Variants in ARL3 observed in about 807,000 individuals in gnomAD.
The protein encoded by ARL3 is ARF like GTPase 3.
In ARL3, 9 loss-of-function variants were observed where a neutral mutation model predicts 26.0. The observed-to-expected ratio is 0.35, with a 90% CI of 0.21 to 0.60. The LOEUF is 0.60. ARL3 is among the 20% of genes least tolerant of loss of function. The pLI, the probability that ARL3 is intolerant of heterozygous loss-of-function variation, is 0.78. For synonymous variants in ARL3, 71 were observed against 78.4 expected (o/e 0.91, Z 0.50); for missense variants, 158 against 215.7 (o/e 0.73, Z 1.67).
Position 102,686,073 on chromosome 10 carries a change from T to A in ARL3, c.316-72A>T. 72 of 588,644 alleles carry A rather than the reference T, an allele frequency of 1.2e-4. No homozygotes were observed. The South Asian group carries it at 3.3e-3, about 27-fold the overall frequency. 36.5% of individuals were successfully genotyped at this position (588,644 alleles called of 1,614,324 possible). On this transcript the variant is annotated intron_variant, in intron 4 of 5. Transcript: ENST00000260746. ...CTATGATATTTAACCATACACTACTTTTTTTTTTTTTTTTTTGAGACAGAG... is the reference window on the plus strand; with the variant it reads ...CTATGATATTTAACCATACACTACTATTTTTTTTTTTTTTTTGAGACAGAG...
chr10:102,702,085 G>A (rs2064282822), intron 2 of ARL3, among the ~76,000 whole-genome samples: 1 of 151,808 alleles, frequency 6.6e-6, no homozygotes, highest in African/African-American at 2.4e-5. Flanking sequence ...TAACTACTCA[G>A]GAGCCTGAGG....
intron 1 of ARL3, among the ~76,000 whole-genome samples, chr10:102,706,173 C>T (rs929843948): frequency 7.2e-5 from 11 of 152,074 alleles, no homozygotes; most frequent in Admixed American, 6.6e-5. Context: ...ATTTTATCGC[C>T]GGGCACGGTG....
intron 1 of ARL3, among the ~76,000 whole-genome samples, chr10:102,705,775 T>C (rs1291261755): frequency 6.6e-6 from 1 of 152,156 alleles, no homozygotes; most frequent in Non-Finnish European, 1.5e-5. Flanking sequence ...CTCTACCCCA[T>C]CTGTGTTCCT....
rs7088470 is a variant in ARL3, at chr10:102,674,437, A to G, written c.*2457T>C. The G allele has an allele frequency of 0.077, 11,680 of 152,330 alleles. 775 individuals carry two copies. The highest frequency in any genetic ancestry group is 0.21 in the East Asian group (1,078 of 5,162). The allele number at this position is 152,330 out of a possible 1,614,324, so 9.4% of individuals were successfully genotyped here. The stretch of plus-strand genomic sequence containing the variant: ...AGGGGAGGACTCGAGTTTTTCCCAC[A>G]ACTGGCTTGAGCACATATCACGAGC... On this transcript the variant is annotated 3_prime_UTR_variant, in exon 6 of 6. Coordinates refer to ENST00000260746, the MANE Select transcript of ARL3 (RefSeq NM_004311.4).
intron 2 of ARL3, among the ~76,000 whole-genome samples, chr10:102,704,274 T>C (rs1466013112): frequency 6.6e-6 from 1 of 152,210 alleles, no homozygotes; most frequent in East Asian, 1.9e-4. Context: ...TTCTCAGAGT[T>C]TTCTCCTTTA....
intron 2 of ARL3, among the ~76,000 whole-genome samples, chr10:102,701,352 G>A (rs1264089971): frequency 6.6e-6 from 1 of 152,168 alleles, no homozygotes; most frequent in Non-Finnish European, 1.5e-5. Flanking sequence ...GTGGTAGCCT[G>A]TCAACACTGC....
chr10:102,696,287 A>T (rs1590124434), intron 3 of ARL3, among the ~76,000 whole-genome samples: 2 of 120,150 alleles, frequency 1.7e-5, no homozygotes, highest in East Asian at 5.2e-4. Flanking sequence ...TTTTTTTGAG[A>T]CGGAGTCTTG....
At chr10:102,688,489 T>C (rs2064199142) in intron 4 of ARL3, among the ~76,000 whole-genome samples, 1 of 139,526 alleles carries the variant, frequency 7.2e-6, no homozygotes. Flanking sequence ...AATGATAACT[T>C]TTTAAAAAAC....
intron 3 of ARL3, among the ~76,000 whole-genome samples, chr10:102,698,487 G>T (rs759976047): frequency 6.6e-6 from 1 of 152,142 alleles, no homozygotes; most frequent in African/African-American, 2.4e-5. Flanking sequence ...TAGTAAAAGC[G>T]ACATGCAATT....
chr10:102,685,737 A>G (rs1237036738), intron 5 of ARL3, 79 bp downstream of exon 5: 2 of 1,443,266 alleles, frequency 1.4e-6, no homozygotes, highest in Admixed American at 2.3e-5. Context: ...CTGCCCATCA[A>G]GATCAGCCCA....
intron 3 of ARL3, among the ~76,000 whole-genome samples, chr10:102,696,785 T>C (rs2064250778): frequency 1.3e-5 from 2 of 152,170 alleles, no homozygotes; most frequent in African/African-American, 4.8e-5. Flanking sequence ...TAGGGTTGAG[T>C]AGAACAGGAT....
At chr10:102,697,371 G>C (rs547940390) in intron 3 of ARL3, among the ~76,000 whole-genome samples, 2 of 152,234 alleles carry the variant, frequency 1.3e-5, no homozygotes, top group South Asian at 4.1e-4. Context: ...TAGAGATGCA[G>C]TTTCACCATC....
chr10:102,697,877 T>C (rs978418362), intron 3 of ARL3, among the ~76,000 whole-genome samples: 2 of 152,050 alleles, frequency 1.3e-5, no homozygotes, highest in African/African-American at 4.8e-5. Flanking sequence ...GTGAGATGAG[T>C]ACTGAAAACT....
intron 2 of ARL3, among the ~76,000 whole-genome samples, chr10:102,703,906 T>C (rs2064294595): frequency 6.6e-6 from 1 of 151,310 alleles, no homozygotes; most frequent in South Asian, 2.1e-4. Flanking sequence ...TCCTAGCACT[T>C]TGGGAGGCCG....
In ARL3 at chr10:102,686,001, C is replaced by G; in HGVS notation, c.316G>C (p.Glu106Gln). ...TCTTCCTCCAGTAATTCCGCTAGTT[C>G]CTGGATTTTGAGAAGGGAGAGGGAG... ...DRKRFEETGQ[E>Q]LAELLEEEKL... The change falls in exon 5 of 6, where the codon GAA becomes CAA. Residue 106 changes from glutamate to glutamine, a missense_variant and splice_region_variant. By Grantham distance (29) the Glu-to-Gln change is conservative (BLOSUM62 2). Transcript: ENST00000260746. 6.2e-7 allele frequency: 1 copy of G among 1,611,534 alleles called. No individual in the cohort carries two copies. The highest frequency in any genetic ancestry group is 8.5e-7 in the Non-Finnish European group (1 of 1,178,438).
intron 5 of ARL3, among the ~76,000 whole-genome samples, chr10:102,677,665 C>T (rs570687876): frequency 4.6e-5 from 7 of 152,294 alleles, no homozygotes; most frequent in East Asian, 3.9e-4. Flanking sequence ...ATAATTCCTA[C>T]GGATGCCAGG....
chr10:102,689,760 G>A (rs550868242), intron 4 of ARL3, 133 bp downstream of exon 4: 9 of 415,642 alleles, frequency 2.2e-5, no homozygotes, highest in East Asian at 4.2e-5. Flanking sequence ...CCTGGGAGGC[G>A]GAGGTTGGGG....
At chr10:102,713,918 T>C (rs2064364340) in intron 1 of ARL3, among the ~76,000 whole-genome samples, 1 of 152,132 alleles carries the variant, frequency 6.6e-6, no homozygotes. Context: ...GCCCGGGAAG[T>C]CTAAGCCTGC....
chr10:102,690,640 C>T (rs1423010846), intron 3 of ARL3, among the ~76,000 whole-genome samples: 1 of 152,152 alleles, frequency 6.6e-6, no homozygotes, highest in Non-Finnish European at 1.5e-5. Flanking sequence ...AATAATAATA[C>T]AGTAAATGAT....
Sources: gnomAD v4.1 joint callset for allele counts (sites outside exome capture counted in the v4.1 genomes callset) on GRCh38, gnomAD v4.1.1 for gene constraint, MANE v1.5 for transcripts, NCBI Gene and HGNC (gene_info 2026-07-23, HGNC 2026-07-21) for gene names.